The following LAMA2 variants were observed in gnomAD, a reference collection of about 807,000 sequenced individuals.
The protein encoded by LAMA2 is laminin subunit alpha 2, also known as laminin subunit alpha-2.
LAMA2 carries 269 observed loss-of-function variants against 364.8 expected under a neutral mutation model. The ratio of observed to expected loss-of-function variants is 0.74; its 90% CI spans 0.67 to 0.82. The LOEUF (loss-of-function observed/expected upper bound fraction) is 0.82, where lower values mean the gene tolerates loss of function less well. Among genes scored for constraint, LAMA2 ranks in the 40% least tolerant of loss-of-function variants. The pLI is 0.00. For missense variants in LAMA2, 3,807 were observed against 3,873.2 expected, an observed-to-expected ratio of 0.98 and a Z score of 0.45; for synonymous variants, 1,379 against 1,370.6, an observed-to-expected ratio of 1.01 and a Z score of -0.14.
At chr6:129,428,442 A>G (rs1227981151) in intron 41 of LAMA2, among the ~76,000 whole-genome samples, 1 of 152,192 alleles carries the variant, frequency 6.6e-6, no homozygotes, top group Non-Finnish European at 1.5e-5. Flanking sequence ...TCTAAAAAGA[A>G]AAACAAAATT....
At chr6:129,420,222 A>T (rs935053827) in intron 40 of LAMA2, among the ~76,000 whole-genome samples, 3 of 152,134 alleles carry the variant, frequency 2.0e-5, no homozygotes, top group Non-Finnish European at 2.9e-5. Context: ...TTTAAAAAAT[A>T]TTCTCAAAAA....
At position 129,473,329 on chromosome 6, in the gene LAMA2, C is replaced by G. The variant is rs567127715; in HGVS notation, c.7416C>G (p.Gly2472=). ...CAGATGACAAAATATATTTTGGTGG[C>G]CTGCCAACGCTGAGAAACTTGAGGT... ...LKADDKIYFG[G]LPTLRNLSMK... is the part of the protein sequence containing the mutation. Residue 2472 remains glycine, a synonymous_variant, in exon 52 of 65, where the codon GGC becomes GGG. Coordinates refer to ENST00000421865, the MANE Select transcript of LAMA2 (RefSeq NM_000426.4). 6.2e-7 allele frequency: 1 copy of G among 1,612,384 alleles called. No individual in the cohort carries two copies. The highest frequency in any genetic ancestry group is 1.7e-5 in the Admixed American group (1 of 59,932).
At chr6:128,986,080 T>C (rs1324811372) in intron 1 of LAMA2, among the ~76,000 whole-genome samples, 1 of 152,200 alleles carries the variant, frequency 6.6e-6, no homozygotes, top group African/African-American at 2.4e-5. Flanking sequence ...GTTTGCTTTT[T>C]GTATCTCTAT....
At chr6:129,187,459 A>G (rs1189806375) in intron 10 of LAMA2, among the ~76,000 whole-genome samples, 1 of 151,756 alleles carries the variant, frequency 6.6e-6, no homozygotes, top group African/African-American at 2.4e-5. Flanking sequence ...TTTTATAGAC[A>G]TTTTACCTGC....
rs561763221 is a variant in LAMA2 at position 129,435,099 on chromosome 6, T to C, written c.5969-3547T>C. ...CAGTCTTCTGAATAATTGGCCCAGT[T>C]GTTCAGCCAGCATTTTGCTATCAGA... On this transcript the variant is annotated intron_variant, in intron 41 of 64. Transcript: ENST00000421865. Among the ~76,000 whole-genome samples, 407 of 152,264 alleles carry C rather than the reference T, an allele frequency of 2.7e-3. 2 individuals carry two copies. The highest frequency in any genetic ancestry group is 4.8e-3 in the Non-Finnish European group (328 of 68,012).
intron 17 of LAMA2, among the ~76,000 whole-genome samples, chr6:129,275,204 T>C (rs895443410): frequency 6.6e-6 from 1 of 152,058 alleles, no homozygotes; most frequent in African/African-American, 2.4e-5. Context: ...AAACAATCAA[T>C]TCAGCCATAT....
chr6:129,065,351 C>A (rs1789222188), intron 3 of LAMA2, among the ~76,000 whole-genome samples: 1 of 152,106 alleles, frequency 6.6e-6, no homozygotes, highest in Non-Finnish European at 1.5e-5. Context: ...AGGAATAAGA[C>A]AAGGATACCC....
intron 12 of LAMA2, among the ~76,000 whole-genome samples, chr6:129,238,829 C>A (rs528315056): frequency 6.6e-6 from 1 of 151,838 alleles, no homozygotes; most frequent in South Asian, 2.1e-4. Context: ...TCTAAAGTTC[C>A]ATGAAAATGT....
intron 14 of LAMA2, among the ~76,000 whole-genome samples, chr6:129,254,571 T>C (rs1248767413): frequency 6.6e-6 from 1 of 152,192 alleles, no homozygotes; most frequent in Non-Finnish European, 1.5e-5. Context: ...CCATTAAGAC[T>C]TAGAGACCTC....
At chr6:129,029,332 A>AC (rs1269506199) in intron 1 of LAMA2, among the ~76,000 whole-genome samples, 4 of 151,982 alleles carry the variant, frequency 2.6e-5, no homozygotes, top group Admixed American at 1.3e-4. Context: ...ATAAGATTGT[A>AC]CCATGTGTAT....
In LAMA2 at chr6:129,059,862, A is replaced by C; in HGVS notation, c.362A>C (p.Tyr121Ser). ...QSPSIKNGIE[Y>S]HYVTITLDLQ... ...CCCAGTATTAAGAATGGAATCGAAT[A>C]CCATTATGTGACAATTACCCTGGAT... The change falls in exon 3 of 65, where the codon TAC (tyrosine) becomes TCC (serine). Residue 121 changes from tyrosine to serine, a missense_variant. Coordinates refer to ENST00000421865, the MANE Select transcript of LAMA2 (RefSeq NM_000426.4). 1 of 1,599,802 alleles carries C rather than the reference A, an allele frequency of 6.3e-7. No individual in the cohort carries two copies. The highest frequency in any genetic ancestry group is 1.3e-5 in the African/African-American group (1 of 74,794).
At chr6:129,341,092 C>T (rs1174168273) in intron 29 of LAMA2, among the ~76,000 whole-genome samples, 1 of 152,150 alleles carries the variant, frequency 6.6e-6, no homozygotes, top group Non-Finnish European at 1.5e-5. Context: ...AATTCCATGG[C>T]AATATCTGTG....
intron 4 of LAMA2, among the ~76,000 whole-genome samples, chr6:129,106,479 C>T (rs1466082219): frequency 6.6e-6 from 1 of 151,974 alleles, no homozygotes; most frequent in Non-Finnish European, 1.5e-5. Context: ...GGAGAAACAG[C>T]GGAGTATTAC....
chr6:129,315,326 G>A (rs1340636132), intron 24 of LAMA2, 150 bp from the exon 25 acceptor site: 1 of 677,840 alleles, frequency 1.5e-6, no homozygotes, highest in African/African-American at 1.8e-5. Context: ...GTCCTGCCAT[G>A]CTTGCCCACT....
At chr6:129,431,449 G>A (rs1300704723) in intron 41 of LAMA2, among the ~76,000 whole-genome samples, 1 of 150,724 alleles carries the variant, frequency 6.6e-6, no homozygotes, top group East Asian at 1.9e-4. Flanking sequence ...GATAACACAG[G>A]AAATAAAAAG....
intron 1 of LAMA2, among the ~76,000 whole-genome samples, chr6:128,915,676 T>G (rs1317148516): frequency 6.6e-6 from 1 of 152,130 alleles, no homozygotes. Context: ...TCGATGGGAG[T>G]ATTACTTAAA....
chr6:128,884,526 A>G (rs948038183), intron 1 of LAMA2, among the ~76,000 whole-genome samples: 2 of 152,134 alleles, frequency 1.3e-5, no homozygotes, highest in Non-Finnish European at 2.9e-5. Flanking sequence ...TAGCAGTACT[A>G]TTTTTTAAGG....
At chr6:129,318,220 T>G (rs1774732691) in intron 27 of LAMA2, among the ~76,000 whole-genome samples, 1 of 152,148 alleles carries the variant, frequency 6.6e-6, no homozygotes. Context: ...AGTTTAAGAG[T>G]TTATATTCTG....
At chr6:129,510,957 A>G (rs1369352249) in intron 62 of LAMA2, among the ~76,000 whole-genome samples, 2 of 152,170 alleles carry the variant, frequency 1.3e-5, no homozygotes, top group African/African-American at 2.4e-5. Flanking sequence ...GATTTCTGCA[A>G]ATTCACAGAT....
Sources: allele counts gnomAD v4.1 joint callset (sites outside exome capture counted in the v4.1 genomes callset), GRCh38; gene constraint gnomAD v4.1.1; transcripts MANE v1.5; gene names NCBI Gene and HGNC (gene_info 2026-07-23, HGNC 2026-07-21).